PTPRN2: variants seen among roughly 807,000 people sequenced by gnomAD.
PTPRN2 encodes the protein receptor-type tyrosine-protein phosphatase N2.
Under a neutral mutation model 118.8 loss-of-function variants are expected in PTPRN2, and 74 were observed. The observed-to-expected ratio is 0.62, with a 90% CI of 0.52 to 0.76. The LOEUF is 0.76. Among genes scored for constraint, PTPRN2 ranks in the 30% least tolerant of loss-of-function variants. PTPRN2 has a pLI of 0.00. For synonymous variants in PTPRN2, 641 were observed against 608.0 expected (o/e 1.05, Z -0.80); for missense variants, 1,481 against 1,394.4 (o/e 1.06, Z -0.99).
intron 2 of PTPRN2, among the ~76,000 whole-genome samples, chr7:158,320,107 T>TCA (rs150220785): frequency 0.013 from 489 of 36,388 alleles, 49 homozygotes; most frequent in African/African-American, 0.045. Context: ...ATAGTCTCCC[T>TCA]CACACACACA....
intron 11 of PTPRN2, among the ~76,000 whole-genome samples, chr7:158,045,801 G>A (rs942114275): frequency 2.2e-4 from 33 of 150,602 alleles, no homozygotes; most frequent in Admixed American, 4.6e-4. Context: ...CAGAACCTGC[G>A]ATCCTGGCGT....
At chr7:158,070,897 TGGTAGTGGAGGTG>T in intron 11 of PTPRN2, among the ~76,000 whole-genome samples, 1 of 121,512 alleles carries the variant, frequency 8.2e-6, no homozygotes, top group Non-Finnish European at 1.6e-5. Flanking sequence ...GAGGTGCCCA[TGGTAGTGGAGGTG>T]CCCATGGTGC....
intron 11 of PTPRN2, among the ~76,000 whole-genome samples, chr7:157,950,616 T>A (rs1418268437): frequency 6.6e-6 from 1 of 152,240 alleles, no homozygotes. Context: ...GATTCCTTTG[T>A]TATTTGTGAT....
intron 13 of PTPRN2, among the ~76,000 whole-genome samples, chr7:157,662,592 C>T (rs919836734): frequency 6.6e-6 from 1 of 152,158 alleles, no homozygotes; most frequent in African/African-American, 2.4e-5. Flanking sequence ...GGCTCAGGCC[C>T]CAAGGCTAGG....
chr7:157,923,160 G>T (rs1005111026), intron 11 of PTPRN2, among the ~76,000 whole-genome samples: 3 of 152,206 alleles, frequency 2.0e-5, no homozygotes, highest in Non-Finnish European at 4.4e-5. Flanking sequence ...ACCCTACACT[G>T]CATGCTTTTA....
chr7:157,556,763 A>G (rs542216592), intron 21 of PTPRN2, among the ~76,000 whole-genome samples: 338 of 149,866 alleles, frequency 2.3e-3, no homozygotes, highest in African/African-American at 4.3e-3. Context: ...ACATATGCAC[A>G]TGCACACACA....
intron 1 of PTPRN2, among the ~76,000 whole-genome samples, chr7:158,586,817 C>A (rs1273911938): frequency 6.6e-6 from 1 of 152,172 alleles, no homozygotes; most frequent in Non-Finnish European, 1.5e-5. Flanking sequence ...CCCGGCCCCT[C>A]GCGGCACACG....
chr7:158,253,453 C>A (rs1400466723), intron 3 of PTPRN2, among the ~76,000 whole-genome samples: 2 of 152,224 alleles, frequency 1.3e-5, no homozygotes, highest in African/African-American at 2.4e-5. Flanking sequence ...CCTTCCGTTT[C>A]CAGTCACCGG....
intron 13 of PTPRN2, among the ~76,000 whole-genome samples, chr7:157,660,482 T>C (rs1795832532): frequency 1.3e-5 from 2 of 152,184 alleles, no homozygotes; most frequent in East Asian, 1.9e-4. Context: ...AACCACAAAC[T>C]TTTCATGTGA....
chr7:157,729,537 G>A lies in PTPRN2; in HGVS notation c.1789-46600C>T, dbSNP rs1799777414. Reference sequence around the variant, plus strand: ...GCACTGTGCTGGTGCTGTCCGAGTGGAGCCTCTGGTGAGCCGGACACCATC... The same window carrying A: ...GCACTGTGCTGGTGCTGTCCGAGTGAAGCCTCTGGTGAGCCGGACACCATC... On this transcript the variant is annotated intron_variant, in intron 12 of 22. Transcript: ENST00000389418. The surrounding 1 kb of genome is among the most constrained non-coding windows in gnomAD (Gnocchi z 4.3). 6.6e-6 allele frequency among the ~76,000 whole-genome samples: 1 copy of A among 152,212 alleles called. No homozygotes were observed. Among genetic ancestry groups the A allele is most frequent in the East Asian group, 1.9e-4 (1 of 5,204 alleles).
intron 11 of PTPRN2, among the ~76,000 whole-genome samples, chr7:157,920,349 A>C (rs73517046): frequency 0.099 from 14,995 of 152,214 alleles, 2,365 homozygotes; most frequent in African/African-American, 0.33. Context: ...TTGAGGAATA[A>C]AAGATTCTCA....
intron 12 of PTPRN2, among the ~76,000 whole-genome samples, chr7:157,830,009 C>T (rs1316917870): frequency 1.3e-5 from 2 of 152,184 alleles, no homozygotes; most frequent in Admixed American, 6.5e-5. Flanking sequence ...ACCAGAACTC[C>T]TGGTCTGCAG....
chr7:157,678,912 G>A (rs1362214022), intron 13 of PTPRN2, among the ~76,000 whole-genome samples: 1 of 152,124 alleles, frequency 6.6e-6, no homozygotes, highest in East Asian at 1.9e-4. Flanking sequence ...GACTCCGAGA[G>A]AAAAGGAGGA....
intron 2 of PTPRN2, among the ~76,000 whole-genome samples, chr7:158,401,938 G>A (rs778426521): frequency 2.0e-5 from 3 of 152,130 alleles, no homozygotes; most frequent in South Asian, 2.1e-4. Flanking sequence ...CATCCAGACC[G>A]CCAGTCAAGT....
At chr7:157,731,044 C>T (rs1011163643) in intron 12 of PTPRN2, among the ~76,000 whole-genome samples, 35 of 152,076 alleles carry the variant, frequency 2.3e-4, no homozygotes, top group African/African-American at 7.7e-4. Flanking sequence ...CAGCCCTGGA[C>T]GAGGGGGTCC....
intron 11 of PTPRN2, among the ~76,000 whole-genome samples, chr7:157,918,077 C>T (rs1025125288): frequency 6.6e-6 from 1 of 152,158 alleles, no homozygotes; most frequent in East Asian, 1.9e-4. Context: ...GACGCACTGC[C>T]ACAAATAGCC....
intron 3 of PTPRN2, among the ~76,000 whole-genome samples, chr7:158,238,137 A>G (rs1406627313): frequency 6.6e-6 from 1 of 151,918 alleles, no homozygotes; most frequent in Non-Finnish European, 1.5e-5. Flanking sequence ...TCGCTAAGTC[A>G]CGCCCGTGTC....
intron 2 of PTPRN2, among the ~76,000 whole-genome samples, chr7:158,381,931 C>G (rs573315144): frequency 6.6e-6 from 1 of 152,142 alleles, no homozygotes; most frequent in East Asian, 1.9e-4. Context: ...GAGAACAGCA[C>G]GAGAAAGACC....
chr7:157,682,901 G>A lies in PTPRN2; in HGVS notation c.1825C>T (p.Gln609Ter). The A allele has an allele frequency of 6.2e-7, 1 of 1,613,918 alleles. No homozygotes were observed. The highest frequency in any genetic ancestry group is 8.5e-7 in the Non-Finnish European group (1 of 1,179,902). Residue 609 changes from glutamine to a stop codon, truncating the protein, a stop_gained, in exon 13 of 23, where the codon CAA (glutamine) becomes TAA (stop). Transcript: ENST00000389418. LOFTEE classifies it high-confidence loss of function. ...GCGATGAACTTGGTGGAGTCTTCTT[G>A]CTCCGCCTGAGGAGGCAGGAACTTG... is the stretch of plus-strand genomic sequence containing the variant. ...KLKFLPPQAE[Q>*]EDSTKFIALT...
Sources: gnomAD v4.1 joint callset for allele counts (sites outside exome capture counted in the v4.1 genomes callset) on GRCh38, gnomAD v4.1.1 for gene constraint, Gnocchi (gnomAD v3.1) non-coding constraint, MANE v1.5 for transcripts, NCBI Gene and HGNC (gene_info 2026-07-23, HGNC 2026-07-21) for gene names.